Variants in KCNQ1OT1 observed in about 807,000 individuals in gnomAD.
KCNQ1OT1 encodes KCNQ1 antisense RNA 2 (non-protein coding).
exon 1 of KCNQ1OT1, chr11:2,665,028 G>A: frequency 2.5e-6 from 1 of 398,674 alleles, no homozygotes; most frequent in Non-Finnish European, 4.4e-6. Flanking sequence ...GGTGGGGTGG[G>A]GGGTGAGCAG....
At chr11:2,692,241 G>A in exon 1 of KCNQ1OT1, 1 of 398,838 alleles carries the variant, frequency 2.5e-6, no homozygotes, top group South Asian at 1.3e-4. Flanking sequence ...ATCACCTCAA[G>A]CCCATCACCA....
chr11:2,684,342 G>A (rs1850448731), exon 1 of KCNQ1OT1: 1 of 398,648 alleles, frequency 2.5e-6, no homozygotes, highest in East Asian at 3.6e-5. Context: ...CCAGGTATGT[G>A]TTTGAGGCCT....
chr11:2,651,570 C>T lies in KCNQ1OT1; in HGVS notation n.48425G>A. 1 of 398,628 alleles carries T rather than the reference C, an allele frequency of 2.5e-6. No homozygotes were observed. The highest frequency in any genetic ancestry group is 4.4e-6 in the Non-Finnish European group (1 of 226,082). 24.7% of individuals were successfully genotyped at this position (398,628 alleles called of 1,614,324 possible). A position where few individuals can be genotyped will look rare whatever the true frequency, so the allele number is the denominator to read the frequency against. On this transcript the variant is annotated non_coding_transcript_exon_variant, in exon 1 of 1. Transcript: ENST00000597346. The surrounding 1 kb of genome is among the most constrained non-coding windows in gnomAD (Gnocchi z 6.1). ...AACATGGATATTGTGTTCTTTACCTCCATGTCTCCAGTGCCTGCCACATAG... is the reference window on the plus strand; with the variant it reads ...AACATGGATATTGTGTTCTTTACCTTCATGTCTCCAGTGCCTGCCACATAG...
chr11:2,654,295 G>C lies in KCNQ1OT1; in HGVS notation n.45700C>G. On this transcript the variant is annotated non_coding_transcript_exon_variant, in exon 1 of 1. Coordinates refer to ENST00000597346, the Ensembl canonical transcript of KCNQ1OT1. This position sits in a 1 kb window ranked among gnomAD's most constrained non-coding sequence, Gnocchi z 6.4. ...CAGGGCTTTGGTGAATCCACTGAGA[G>C]GGGGAGATTTCTTGAGGGGGCCAGG... The C allele has an allele frequency of 2.5e-6, 1 of 398,888 alleles. No homozygotes were observed. The highest frequency in any genetic ancestry group is 3.6e-5 in the East Asian group (1 of 28,078). The allele number at this position is 398,888 out of a possible 1,614,324, so 24.7% of individuals were successfully genotyped here. A position where few individuals can be genotyped will look rare whatever the true frequency, so the allele number is the denominator to read the frequency against.
At position 2,621,188 on chromosome 11, in the gene KCNQ1OT1, G is replaced by A; in HGVS notation, n.78807C>T. 5.0e-6 allele frequency: 2 copies of A among 397,540 alleles called. No individual in the cohort carries two copies. The highest frequency in any genetic ancestry group is 8.8e-6 in the Non-Finnish European group (2 of 226,002). The allele number at this position is 397,540 out of a possible 1,614,324, so 24.6% of individuals were successfully genotyped here. A position where few individuals can be genotyped will look rare whatever the true frequency, so the allele number is the denominator to read the frequency against. On this transcript the variant is annotated non_coding_transcript_exon_variant, in exon 1 of 1. Transcript: ENST00000597346. The surrounding 1 kb of genome is among the most constrained non-coding windows in gnomAD (Gnocchi z 5.7). Reference sequence around the variant, plus strand: ...AGACGGGGTTTCACCATGTTGGCCAGGATGGTCTCGAATACCTGACCCCAG... The same window carrying A: ...AGACGGGGTTTCACCATGTTGGCCAAGATGGTCTCGAATACCTGACCCCAG...
chr11:2,615,951 G>C, exon 1 of KCNQ1OT1: 1 of 398,120 alleles, frequency 2.5e-6, no homozygotes, highest in Non-Finnish European at 4.4e-6. Flanking sequence ...AATTCTTCAA[G>C]TGTTTGGTAT....
At chr11:2,630,347 TA>T (rs1043507545) in exon 1 of KCNQ1OT1, 122 of 398,244 alleles carry the variant, frequency 3.1e-4, no homozygotes, top group African/African-American at 1.9e-3. Flanking sequence ...TGTATAGTCA[TA>T]AAAAAATATC....
At chr11:2,635,561 A>G (rs1003188124) in exon 1 of KCNQ1OT1, 9 of 152,200 alleles carry the variant, frequency 5.9e-5, no homozygotes, top group Admixed American at 5.9e-4. Flanking sequence ...TGGTACCAGT[A>G]CCATGCTGTT....
At position 2,677,449 on chromosome 11, in the gene KCNQ1OT1, G is replaced by A; in HGVS notation, n.22546C>T. 2.5e-6 allele frequency: 1 copy of A among 398,472 alleles called. No homozygotes were observed. Among genetic ancestry groups the A allele is most frequent in the Non-Finnish European group, 4.4e-6 (1 of 226,034 alleles). 24.7% of individuals were successfully genotyped at this position (398,472 alleles called of 1,614,324 possible). A position where few individuals can be genotyped will look rare whatever the true frequency, so the allele number is the denominator to read the frequency against. On this transcript the variant is annotated non_coding_transcript_exon_variant, in exon 1 of 1. Transcript: ENST00000597346. This position sits in a 1 kb window ranked among gnomAD's most constrained non-coding sequence, Gnocchi z 4.5. ...AGGGGAGATGATAATTGATGCAGGT[G>A]GCCTCTTGGTCAAGCAGTGAAACCA... is the stretch of plus-strand genomic sequence containing the variant.
chr11:2,647,041 A>G lies in KCNQ1OT1; in HGVS notation n.52954T>C. The G allele has an allele frequency of 2.5e-6, 1 of 398,572 alleles. No individual in the cohort carries two copies. The highest frequency in any genetic ancestry group is 4.4e-6 in the Non-Finnish European group (1 of 226,044). 24.7% of individuals were successfully genotyped at this position (398,572 alleles called of 1,614,324 possible). The stretch of plus-strand genomic sequence containing the variant: ...TACTCTGCTGAATAAGAATAGTGAA[A>G]GTGGGCATCCTTGTCTTGTTCTAGT... On this transcript the variant is annotated non_coding_transcript_exon_variant, in exon 1 of 1. Transcript: ENST00000597346. The surrounding 1 kb of genome is among the most constrained non-coding windows in gnomAD (Gnocchi z 4.0).
In KCNQ1OT1 at chr11:2,698,470, C is replaced by T. The variant is rs1302872388; in HGVS notation, n.1525G>A. 5 of 398,404 alleles carry T rather than the reference C, an allele frequency of 1.3e-5. No homozygotes were observed. Among genetic ancestry groups the T allele is most frequent in the Non-Finnish European group, 2.2e-5 (5 of 226,054 alleles). The allele number at this position is 398,404 out of a possible 1,614,324, so 24.7% of individuals were successfully genotyped here. On this transcript the variant is annotated non_coding_transcript_exon_variant, in exon 1 of 1. Transcript: ENST00000597346. This position sits in a 1 kb window ranked among gnomAD's most constrained non-coding sequence, Gnocchi z 5.1. ...CCTGCATCTGATCAACTCTCATCTC[C>T]AATATGACCAAGAGACTTCTACCAC...
At chr11:2,629,019 T>C (rs1421748801) in exon 1 of KCNQ1OT1, 3 of 398,238 alleles carry the variant, frequency 7.5e-6, no homozygotes, top group African/African-American at 2.1e-5. Flanking sequence ...AAAATAAGCA[T>C]GTGTAATATC....
exon 1 of KCNQ1OT1, chr11:2,625,635 G>A: frequency 5.1e-6 from 2 of 394,202 alleles, no homozygotes; most frequent in Non-Finnish European, 8.9e-6. Context: ...GAGTGCAGTG[G>A]TGCCATCTCG....
At chr11:2,689,306 A>G (rs1163373518) in exon 1 of KCNQ1OT1, 4 of 398,540 alleles carry the variant, frequency 1.0e-5, no homozygotes, top group Non-Finnish European at 1.8e-5. Flanking sequence ...CCTAAGACTC[A>G]ATGCCACCTC....
At position 2,663,017 on chromosome 11, in the gene KCNQ1OT1, G is replaced by A. The variant is rs982806457; in HGVS notation, n.36978C>T. The A allele has an allele frequency of 5.8e-5, 23 of 398,616 alleles. No individual in the cohort carries two copies. The highest frequency in any genetic ancestry group is 1.3e-4 in the South Asian group (1 of 7,856). 24.7% of individuals were successfully genotyped at this position (398,616 alleles called of 1,614,324 possible). ...GGCCTTGCAAATCACTGAGGAAATCGGGACCCATGGTGCTGGGGGCTGCAG... is the reference window on the plus strand; with the variant it reads ...GGCCTTGCAAATCACTGAGGAAATCAGGACCCATGGTGCTGGGGGCTGCAG... On this transcript the variant is annotated non_coding_transcript_exon_variant, in exon 1 of 1. Coordinates refer to ENST00000597346, the Ensembl canonical transcript of KCNQ1OT1. The surrounding 1 kb of genome is among the most constrained non-coding windows in gnomAD (Gnocchi z 5.2).
exon 1 of KCNQ1OT1, chr11:2,609,933 T>C (rs1848951132): frequency 2.5e-6 from 1 of 398,074 alleles, no homozygotes; most frequent in East Asian, 3.6e-5. Flanking sequence ...ATAGATGGAA[T>C]ACAGATGGAT....
rs183146623 is a variant in KCNQ1OT1, at chr11:2,642,149, A to G, written n.57846T>C. 7.0e-4 allele frequency: 277 copies of G among 398,316 alleles called. 2 individuals are homozygous for G. Among genetic ancestry groups the G allele is most frequent in the African/African-American group, 5.2e-3 (251 of 48,718 alleles). 24.7% of individuals were successfully genotyped at this position (398,316 alleles called of 1,614,324 possible). A position where few individuals can be genotyped will look rare whatever the true frequency, so the allele number is the denominator to read the frequency against. The stretch of plus-strand genomic sequence containing the variant: ...GAATTTTAGGATTTTTTCTATTTCC[A>G]TGAAAAATGGCATTGGTATTTTGAG... On this transcript the variant is annotated non_coding_transcript_exon_variant, in exon 1 of 1. Coordinates refer to ENST00000597346, the Ensembl canonical transcript of KCNQ1OT1. The surrounding 1 kb of genome is among the most constrained non-coding windows in gnomAD (Gnocchi z 4.3).
At chr11:2,622,996 C>A in exon 1 of KCNQ1OT1, 1 of 398,608 alleles carries the variant, frequency 2.5e-6, no homozygotes. Context: ...CCACCCAAAT[C>A]TCATCTTGAA....
At chr11:2,685,606 C>T (rs1850473756) in exon 1 of KCNQ1OT1, 1 of 398,712 alleles carries the variant, frequency 2.5e-6, no homozygotes, top group East Asian at 3.6e-5. Context: ...AGGAGGGTTG[C>T]AGCTGGCTGT....
Sources: allele counts gnomAD v4.1 joint callset, GRCh38; gene constraint gnomAD v4.1.1; non-coding constraint Gnocchi (gnomAD v3.1); transcripts MANE v1.5; gene names NCBI Gene and HGNC (gene_info 2026-07-23, HGNC 2026-07-21).